Variants in PLCE1 observed in about 807,000 individuals in gnomAD.
The protein encoded by PLCE1 is 1-phosphatidylinositol 4,5-bisphosphate phosphodiesterase epsilon-1.
Under a neutral mutation model 242.8 loss-of-function variants are expected in PLCE1, and 119 were observed. The observed-to-expected ratio is 0.49, with a 90% CI of 0.42 to 0.57. The LOEUF is 0.57. PLCE1 is among the 20% of genes least tolerant of loss of function. The pLI is 0.00. For synonymous variants in PLCE1, 945 were observed against 1,017.4 expected, an observed-to-expected ratio of 0.93 and a Z score of 1.35; for missense variants, 2,441 against 2,788.8, an observed-to-expected ratio of 0.88 and a Z score of 2.81.
intron 4 of PLCE1, among the ~76,000 whole-genome samples, chr10:94,222,099 T>C (rs2049768303): frequency 1.3e-5 from 2 of 152,134 alleles, no homozygotes; most frequent in Admixed American, 6.5e-5. Context: ...GTGGGAAAGA[T>C]GGTCTCTGTC....
chr10:94,199,253 T>C (rs907206398), intron 4 of PLCE1, among the ~76,000 whole-genome samples: 5 of 152,236 alleles, frequency 3.3e-5, no homozygotes, highest in African/African-American at 1.2e-4. Context: ...CTTGGGTAGA[T>C]ACTAAATTAT....
chr10:94,196,897 A>G (rs1208891847), intron 4 of PLCE1, among the ~76,000 whole-genome samples: 1 of 152,272 alleles, frequency 6.6e-6, no homozygotes, highest in Admixed American at 6.5e-5. Flanking sequence ...CTTTTTTCAT[A>G]TATTTACGGA....
chr10:94,022,670 C>G (rs191502723), intron 1 of PLCE1, among the ~76,000 whole-genome samples: 1 of 151,720 alleles, frequency 6.6e-6, no homozygotes, highest in East Asian at 1.9e-4. Context: ...TCTTACTGAT[C>G]AAGGTAAATG....
At chr10:94,197,149 C>T (rs187416732) in intron 4 of PLCE1, among the ~76,000 whole-genome samples, 33 of 152,280 alleles carry the variant, frequency 2.2e-4, no homozygotes, top group Non-Finnish European at 3.1e-4. Flanking sequence ...GGTTCATCAG[C>T]ATTGTAGCAT....
rs74917243 is a variant in PLCE1, at chr10:94,254,171, G to A, written c.3280-19G>A. The A allele has an allele frequency of 4.4e-4, 691 of 1,556,866 alleles. 3 individuals are homozygous for A. The East Asian group carries it at 0.012, about 26-fold the overall frequency. On this transcript the variant is annotated intron_variant, in intron 9 of 32. Coordinates refer to ENST00000371380, the MANE Select transcript of PLCE1 (RefSeq NM_016341.4). ...AGAGAAATACAGGCTTGGAACCATCGTGAGCTTTGTGTTCCCAGGGTGAGA... is the reference window on the plus strand; with the variant it reads ...AGAGAAATACAGGCTTGGAACCATCATGAGCTTTGTGTTCCCAGGGTGAGA...
At chr10:94,286,491 A>T (rs973463636) in intron 22 of PLCE1, among the ~76,000 whole-genome samples, 1 of 152,224 alleles carries the variant, frequency 6.6e-6, no homozygotes, top group Non-Finnish European at 1.5e-5. Context: ...TTAAATTTTT[A>T]AAATCACAGT....
chr10:94,064,882 C>A (rs1416105466), intron 2 of PLCE1, among the ~76,000 whole-genome samples: 1 of 152,146 alleles, frequency 6.6e-6, no homozygotes, highest in Admixed American at 6.5e-5. Context: ...GAGCCCTGAG[C>A]AATAACTGGG....
At chr10:94,192,655 C>A (rs2048704510) in intron 4 of PLCE1, among the ~76,000 whole-genome samples, 1 of 152,136 alleles carries the variant, frequency 6.6e-6, no homozygotes, top group East Asian at 1.9e-4. Flanking sequence ...GTGCATGTGT[C>A]TTTTTGGTAG....
At chr10:94,123,829 G>A (rs1354519613) in intron 2 of PLCE1, among the ~76,000 whole-genome samples, 1 of 152,128 alleles carries the variant, frequency 6.6e-6, no homozygotes, top group Non-Finnish European at 1.5e-5. Context: ...AGGCCCCTGC[G>A]TTGTTACCAC....
intron 4 of PLCE1, among the ~76,000 whole-genome samples, chr10:94,218,411 A>C (rs1455483469): frequency 6.6e-6 from 1 of 152,146 alleles, no homozygotes; most frequent in Non-Finnish European, 1.5e-5. Flanking sequence ...GGAATTCAAG[A>C]ATCTTGGGTT....
At chr10:94,236,200 G>T (rs1314702525) in intron 7 of PLCE1, 80 bp downstream of exon 7, 1 of 1,176,534 alleles carries the variant, frequency 8.5e-7, no homozygotes. Flanking sequence ...CTTCAGCTTA[G>T]TTTCAGATGG....
chr10:94,071,867 C>T (rs2044371262), intron 2 of PLCE1, among the ~76,000 whole-genome samples: 1 of 152,012 alleles, frequency 6.6e-6, no homozygotes, highest in Non-Finnish European at 1.5e-5. Flanking sequence ...TGGCCCTGTC[C>T]TCTCTCTTAG....
At chr10:94,044,535 C>T (rs1390229934) in intron 2 of PLCE1, among the ~76,000 whole-genome samples, 3 of 152,214 alleles carry the variant, frequency 2.0e-5, no homozygotes, top group African/African-American at 7.2e-5. Context: ...AACTTGAACA[C>T]AGACTTGGCC....
intron 2 of PLCE1, among the ~76,000 whole-genome samples, chr10:94,057,981 C>T (rs1013224245): frequency 3.3e-5 from 5 of 152,282 alleles, no homozygotes; most frequent in Admixed American, 2.0e-4. Context: ...AATACCTATG[C>T]TCTGCAGGCT....
intron 8 of PLCE1, among the ~76,000 whole-genome samples, chr10:94,251,671 G>A (rs1589421139): frequency 6.6e-6 from 1 of 152,250 alleles, no homozygotes; most frequent in East Asian, 1.9e-4. Flanking sequence ...TAGCTACTGT[G>A]AACAATTGCC....
chr10:94,046,798 C>T (rs971998690), intron 2 of PLCE1, among the ~76,000 whole-genome samples: 2 of 152,174 alleles, frequency 1.3e-5, no homozygotes, highest in Admixed American at 6.5e-5. Context: ...AAGTTACTTA[C>T]CCTCTCTGTG....
intron 4 of PLCE1, among the ~76,000 whole-genome samples, chr10:94,220,041 T>C (rs2049670461): frequency 6.6e-6 from 1 of 151,968 alleles, no homozygotes; most frequent in Non-Finnish European, 1.5e-5. Flanking sequence ...ACCCACTTCA[T>C]GTCAAGGAGG....
At chr10:94,293,981 C>G (rs1362984171) in intron 23 of PLCE1, among the ~76,000 whole-genome samples, 1 of 152,022 alleles carries the variant, frequency 6.6e-6, no homozygotes, top group Non-Finnish European at 1.5e-5. Context: ...GTAGTGCACA[C>G]CTGTAATCCC....
At chr10:94,048,727 G>A (rs1421350440) in intron 2 of PLCE1, among the ~76,000 whole-genome samples, 2 of 147,024 alleles carry the variant, frequency 1.4e-5, no homozygotes, top group African/African-American at 5.0e-5. Context: ...ATGTATATAT[G>A]CACATATATG....
Sources: allele counts gnomAD v4.1 joint callset (sites outside exome capture counted in the v4.1 genomes callset), GRCh38; gene constraint gnomAD v4.1.1; transcripts MANE v1.5; gene names NCBI Gene and HGNC (gene_info 2026-07-23, HGNC 2026-07-21).